The following TAOK1 variants were observed in gnomAD, a reference collection of about 807,000 sequenced individuals.
TAOK1 encodes serine/threonine-protein kinase TAO1.
Under a neutral mutation model 138.3 loss-of-function variants are expected in TAOK1, and 21 were observed. The observed-to-expected ratio is 0.15, with a 90% CI of 0.11 to 0.22. The LOEUF (loss-of-function observed/expected upper bound fraction) is 0.22, where lower values mean the gene tolerates loss of function less well. TAOK1 is among the 10% of genes least tolerant of loss of function. The pLI, the probability that TAOK1 is intolerant of heterozygous loss-of-function variation, is 1.00. For synonymous variants in TAOK1, 361 were observed against 398.4 expected (o/e 0.91, Z 1.12); for missense variants, 651 against 1,227.7 (o/e 0.53, Z 7.02).
intron 16 of TAOK1, 128 bp from the exon 17 acceptor site, chr17:29,522,152 T>C (rs914400648): frequency 3.2e-6 from 4 of 1,237,288 alleles, no homozygotes; most frequent in Non-Finnish European, 4.4e-6. Flanking sequence ...ACCCTCTTAT[T>C]TACTATGCAA....
intron 11 of TAOK1, among the ~76,000 whole-genome samples, chr17:29,497,714 CAAAAAAA>C (rs373537264): frequency 5.1e-4 from 51 of 100,720 alleles, no homozygotes; most frequent in Middle Eastern, 0.01. Context: ...TATTGAAATA[CAAAAAAA>C]AAAAAAAAAG....
intron 19 of TAOK1, among the ~76,000 whole-genome samples, chr17:29,541,267 G>A (rs1341926721): frequency 6.7e-6 from 1 of 150,348 alleles, no homozygotes; most frequent in Non-Finnish European, 1.5e-5. Flanking sequence ...GTGCCACCGC[G>A]CCTGGCTAAT....
At chr17:29,471,009 C>T (rs2153026010) in intron 3 of TAOK1, among the ~76,000 whole-genome samples, 1 of 152,110 alleles carries the variant, frequency 6.6e-6, no homozygotes, top group Admixed American at 6.5e-5. Flanking sequence ...CCTGTAATTC[C>T]AAGGTACTTG....
At chr17:29,532,231 G>A (rs953315221) in intron 18 of TAOK1, among the ~76,000 whole-genome samples, 37 of 152,006 alleles carry the variant, frequency 2.4e-4, no homozygotes, top group African/African-American at 8.9e-4. Flanking sequence ...CAAAACAGGC[G>A]CCTGCTCATA....
At chr17:29,455,882 G>A (rs997228552) in intron 2 of TAOK1, among the ~76,000 whole-genome samples, 2 of 149,910 alleles carry the variant, frequency 1.3e-5, no homozygotes, top group East Asian at 3.9e-4. Flanking sequence ...GTATGGTGTT[G>A]GGAATTTTTC....
intron 2 of TAOK1, among the ~76,000 whole-genome samples, chr17:29,462,291 G>C (rs2030549349): frequency 6.6e-6 from 1 of 152,176 alleles, no homozygotes; most frequent in Non-Finnish European, 1.5e-5. Context: ...AACTAAACCA[G>C]AGTCAGATGT....
intron 1 of TAOK1, among the ~76,000 whole-genome samples, chr17:29,408,521 C>G (rs762835018): frequency 1.3e-5 from 2 of 151,792 alleles, no homozygotes; most frequent in East Asian, 1.9e-4. Context: ...TGGCCCATAA[C>G]GTTTTTTCAA....
intron 2 of TAOK1, among the ~76,000 whole-genome samples, chr17:29,455,159 C>T (rs1162944609): frequency 2.0e-5 from 3 of 151,724 alleles, no homozygotes; most frequent in Non-Finnish European, 4.4e-5. Flanking sequence ...GATCTGCCTG[C>T]CTCAGCCTCC....
chr17:29,524,583 T>A (rs1890298860), intron 17 of TAOK1, among the ~76,000 whole-genome samples: 1 of 152,204 alleles, frequency 6.6e-6, no homozygotes, highest in South Asian at 2.1e-4. Flanking sequence ...GGTTTCCTGT[T>A]AGGAAAGAAA....
intron 18 of TAOK1, among the ~76,000 whole-genome samples, chr17:29,533,015 G>A (rs2032152030): frequency 8.6e-6 from 1 of 115,878 alleles, no homozygotes. Context: ...ACCGGGCGGG[G>A]GGCTGACCCC....
chr17:29,464,301 G>A (rs974534005), intron 2 of TAOK1, among the ~76,000 whole-genome samples: 1 of 151,748 alleles, frequency 6.6e-6, no homozygotes, highest in East Asian at 1.9e-4. Context: ...AAAATTAGCT[G>A]GGCGTGGTGG....
intron 1 of TAOK1, among the ~76,000 whole-genome samples, chr17:29,398,396 G>C (rs906843541): frequency 6.6e-6 from 1 of 151,584 alleles, no homozygotes; most frequent in African/African-American, 2.4e-5. Context: ...TAGTAGAGAC[G>C]GGGTTTCTCC....
chr17:29,491,853 G>A lies in TAOK1; in HGVS notation c.819G>A (p.Glu273=). ...TCCCTCAAGATCGACCTACATCAGA[G>A]GAACTTTTAAAGGTCAGTTCTATTA... ...QKIPQDRPTS[E]ELLKHIFVLR... is the part of the protein sequence containing the mutation. The change falls in exon 10 of 20, where the codon GAG becomes GAA. Residue 273 remains glutamate (E), a synonymous_variant. Coordinates refer to ENST00000261716, the MANE Select transcript of TAOK1 (RefSeq NM_020791.4). The A allele has an allele frequency of 6.2e-7, 1 of 1,612,208 alleles. No individual in the cohort carries two copies. The highest frequency in any genetic ancestry group is 1.7e-5 in the Admixed American group (1 of 59,952).
intron 19 of TAOK1, among the ~76,000 whole-genome samples, chr17:29,539,834 C>T (rs1243605702): frequency 2.6e-5 from 4 of 151,826 alleles, no homozygotes; most frequent in Admixed American, 6.6e-5. Flanking sequence ...GAGCCACGAT[C>T]GCGCCACTGC....
chr17:29,530,366 T>C (rs752317442), intron 17 of TAOK1, 41 bp from the exon 18 acceptor site: 1 of 1,573,952 alleles, frequency 6.4e-7, no homozygotes, highest in African/African-American at 1.4e-5. Flanking sequence ...CCAAATGCCT[T>C]TCGTTACAAC....
At chr17:29,465,191 C>CTGCAATGGCTCAAG (rs1313844431) in intron 2 of TAOK1, among the ~76,000 whole-genome samples, 1 of 117,246 alleles carries the variant, frequency 8.5e-6, no homozygotes, top group Non-Finnish European at 1.6e-5. Context: ...CCAGGCTGGA[C>CTGCAATGGCTCAAG]TGCAATGGCT....
intron 10 of TAOK1, among the ~76,000 whole-genome samples, chr17:29,494,927 C>G (rs1334079742): frequency 6.7e-6 from 1 of 149,930 alleles, no homozygotes; most frequent in African/African-American, 2.5e-5. Context: ...TATGTATCTA[C>G]AAAACATTTT....
chr17:29,391,106 AGGGATGTGGGAGT>A (rs1278240169), intron 1 of TAOK1, 82 bp downstream of exon 1: 1 of 132,716 alleles, frequency 7.5e-6, no homozygotes, highest in Non-Finnish European at 1.6e-5. Context: ...GTGTGGAAGA[AGGGATGTGGGAGT>A]GGGGTGGGGG....
At chr17:29,457,621 G>GATCCACCCA (rs2030420446) in intron 2 of TAOK1, among the ~76,000 whole-genome samples, 2 of 149,998 alleles carry the variant, frequency 1.3e-5, no homozygotes, top group Non-Finnish European at 3.0e-5. Flanking sequence ...GGCCAGGCTG[G>GATCCACCCA]TCTTGAACTC....
Sources: allele counts gnomAD v4.1 joint callset (sites outside exome capture counted in the v4.1 genomes callset), GRCh38; gene constraint gnomAD v4.1.1; transcripts MANE v1.5; gene names NCBI Gene and HGNC (gene_info 2026-07-23, HGNC 2026-07-21).